The following RPS4Y1 variants were observed in gnomAD, a reference collection of about 807,000 sequenced individuals.
The protein encoded by RPS4Y1 is ribosomal protein S4 Y-linked 1.
For synonymous variants in RPS4Y1, 23 were observed against 20.8 expected, an observed-to-expected ratio of 1.10 and a Z score of -0.28; for missense variants, 30 against 60.9, an observed-to-expected ratio of 0.49 and a Z score of 1.69.
chrY:2,860,918 T>C, intron 5 of RPS4Y1, among the ~76,000 whole-genome samples: 1 of 33,296 alleles, frequency 3.0e-5, no homozygotes, highest in Non-Finnish European at 7.4e-5. Flanking sequence ...TCTCTTCTAG[T>C]AGGCTTTTTG....
chrY:2,854,780 T>A lies in RPS4Y1; in HGVS notation c.532+9T>A. The A allele has an allele frequency of 5.4e-6, 2 of 371,374 alleles. No homozygotes were observed. Among genetic ancestry groups the A allele is most frequent in the Non-Finnish European group, 7.7e-6 (2 of 260,355 alleles). The allele number at this position is 371,374 out of a possible 400,897, so 92.6% of individuals were successfully genotyped here. A position where few individuals can be genotyped will look rare whatever the true frequency, so the allele number is the denominator to read the frequency against. ...TATCAAATTTGATACAGGTAAGTTT[T>A]TTTTTTCCCTTGTGTTGTCTGCCAC... On this transcript the variant is annotated intron_variant, in intron 5 of 6. Coordinates refer to ENST00000250784, the MANE Select transcript of RPS4Y1 (RefSeq NM_001008.4).
At chrY:2,845,556 G>A (rs2051152099) in intron 3 of RPS4Y1, 90 bp from the exon 4 acceptor site, 1 of 231,797 alleles carries the variant, frequency 4.3e-6, no homozygotes, top group African/African-American at 7.8e-5. Context: ...ACGTTCTCAG[G>A]TTCAACCTGG....
intron 4 of RPS4Y1, among the ~76,000 whole-genome samples, chrY:2,851,094 C>T (rs2051155974): frequency 6.3e-5 from 2 of 31,570 alleles, no homozygotes; most frequent in African/African-American, 2.5e-4. Flanking sequence ...CCGCCCGCCT[C>T]GGCCTCCCAA....
chrY:2,841,980 G>C, intron 1 of RPS4Y1, 185 bp from the exon 2 acceptor site: 1 of 364,933 alleles, frequency 2.7e-6, no homozygotes. Context: ...AAAGGTCTGT[G>C]CTTTGCGTGG....
intron 2 of RPS4Y1, among the ~76,000 whole-genome samples, chrY:2,843,485 T>C (rs2051150629): frequency 3.0e-5 from 1 of 33,531 alleles, no homozygotes; most frequent in Non-Finnish European, 7.4e-5. Flanking sequence ...CTTGAGACTT[T>C]TATATGTACT....
At chrY:2,858,597 T>A in intron 5 of RPS4Y1, among the ~76,000 whole-genome samples, 1 of 33,572 alleles carries the variant, frequency 3.0e-5, no homozygotes, top group African/African-American at 1.2e-4. Flanking sequence ...GAAGTGACTG[T>A]CTTTTCTCCA....
At chrY:2,860,320 G>T (rs2051162729) in intron 5 of RPS4Y1, among the ~76,000 whole-genome samples, 1 of 32,817 alleles carries the variant, frequency 3.0e-5, no homozygotes, top group African/African-American at 1.2e-4. Context: ...ACTTCCCTAA[G>T]ACTTCAGAAG....
Position 2,842,054 on chromosome Y carries a change from G to C in RPS4Y1, c.4-111G>C. 5 of 319,756 alleles carry C rather than the reference G, an allele frequency of 1.6e-5. No individual in the cohort carries two copies. The African/African-American group carries it at 3.6e-4, about 23-fold the overall frequency. The allele number at this position is 319,756 out of a possible 400,897, so 79.8% of individuals were successfully genotyped here. ...AACGGGGCTTGAGTATGGGCTGGGC[G>C]ATCTTTTCTCCTTGAGTCAGGTATT... On this transcript the variant is annotated intron_variant, in intron 1 of 6. Transcript: ENST00000250784.
At chrY:2,845,850 T>C in intron 4 of RPS4Y1, 107 bp downstream of exon 4, 1 of 160,678 alleles carries the variant, frequency 6.2e-6, no homozygotes, top group Non-Finnish European at 1.2e-5. Flanking sequence ...TTCCTATCTC[T>C]ACTTGTTTGT....
intron 3 of RPS4Y1, 21 bp from the exon 4 acceptor site, chrY:2,845,625 C>A: frequency 2.8e-6 from 1 of 361,954 alleles, no homozygotes; most frequent in Non-Finnish European, 4.0e-6. Context: ...AACGATGTTC[C>A]TTATACCCTT....
Position 2,853,475 on chromosome Y carries a change from G to A in RPS4Y1, c.361-1125G>A, listed in dbSNP as rs764635131. On this transcript the variant is annotated intron_variant, in intron 4 of 6. Coordinates refer to ENST00000250784, the MANE Select transcript of RPS4Y1 (RefSeq NM_001008.4). The stretch of plus-strand genomic sequence containing the variant: ...AAACCCACTTTGTCACTTCTGAGCG[G>A]TGACAGTCCATGGGGAGCCTGTGGT... Among the ~76,000 whole-genome samples the A allele has an allele frequency of 2.1e-4, 7 of 33,813 alleles. No individual in the cohort carries two copies. The South Asian group carries it at 4.7e-3, about 23-fold the overall frequency. 90.7% of individuals were successfully genotyped at this position (33,813 alleles called of 37,273 possible). A position where few individuals can be genotyped will look rare whatever the true frequency, so the allele number is the denominator to read the frequency against.
intron 5 of RPS4Y1, among the ~76,000 whole-genome samples, chrY:2,855,164 T>C: frequency 8.9e-5 from 3 of 33,789 alleles, no homozygotes; most frequent in Non-Finnish European, 2.2e-4. Flanking sequence ...AAAAGATGTG[T>C]CTACAGCTTT....
chrY:2,853,302 C>G (rs2051157386), intron 4 of RPS4Y1, among the ~76,000 whole-genome samples: 1 of 33,766 alleles, frequency 3.0e-5, no homozygotes, highest in Admixed American at 2.7e-4. Flanking sequence ...GGGAGTTTTT[C>G]TGTCATCTGG....
intron 4 of RPS4Y1, among the ~76,000 whole-genome samples, chrY:2,851,139 G>A: frequency 9.0e-5 from 3 of 33,210 alleles, no homozygotes; most frequent in Non-Finnish European, 2.2e-4. Flanking sequence ...CACCGCGCCC[G>A]GCCCAGAGGG....
At chrY:2,865,555 C>T (rs767813892) in intron 6 of RPS4Y1, among the ~76,000 whole-genome samples, 5 of 33,399 alleles carry the variant, frequency 1.5e-4, no homozygotes. Flanking sequence ...GGCTCCAATC[C>T]TGGTAGTGCT....
chrY:2,854,868 A>G (rs754423165), intron 5 of RPS4Y1, 97 bp downstream of exon 5: 58 of 186,278 alleles, frequency 3.1e-4, no homozygotes, highest in South Asian at 2.4e-3. Context: ...TACACCCATT[A>G]TGATTAGAGA....
chrY:2,850,155 C>G, intron 4 of RPS4Y1, among the ~76,000 whole-genome samples: 1 of 34,261 alleles, frequency 2.9e-5, no homozygotes, highest in Admixed American at 2.6e-4. Context: ...ACGGAACTAT[C>G]TCACAGGATG....
intron 1 of RPS4Y1, 145 bp from the exon 2 acceptor site, chrY:2,842,017 ATAT>A (rs2051149013): frequency 3.0e-6 from 1 of 331,494 alleles, no homozygotes; most frequent in African/African-American, 7.0e-5. Context: ...GCAGGAAGTA[ATAT>A]TTGTTCAAAA....
intron 5 of RPS4Y1, among the ~76,000 whole-genome samples, chrY:2,859,473 A>G (rs2051162062): frequency 3.0e-5 from 1 of 33,466 alleles, no homozygotes; most frequent in Non-Finnish European, 7.4e-5. Context: ...TGTGTCTTCC[A>G]TGGTTATTTT....
Sources: allele counts gnomAD v4.1 joint callset (sites outside exome capture counted in the v4.1 genomes callset), GRCh38; gene constraint gnomAD v4.1.1; transcripts MANE v1.5; gene names NCBI Gene and HGNC (gene_info 2026-07-23, HGNC 2026-07-21).